HDAC9: variants seen among roughly 807,000 people sequenced by gnomAD.
HDAC9 encodes histone deacetylase 9.
In HDAC9, 41 loss-of-function variants were observed where a neutral mutation model predicts 139.4. The ratio of observed to expected loss-of-function variants is 0.29; its 90% CI spans 0.23 to 0.38. HDAC9 has a LOEUF of 0.38. Ranked by LOEUF, HDAC9 falls within the 10% of genes least tolerant of loss-of-function variation. The pLI is 1.00. For missense variants in HDAC9, 1,147 were observed against 1,297.0 expected (o/e 0.88, Z 1.78); for synonymous variants, 517 against 476.2 (o/e 1.09, Z -1.12).
chr7:18,142,111 G>A (rs1420544540), intron 1 of HDAC9, among the ~76,000 whole-genome samples: 2 of 152,152 alleles, frequency 1.3e-5, no homozygotes, highest in Non-Finnish European at 2.9e-5. Context: ...CACTCTGTGT[G>A]TAGATGAGTT....
chr7:18,911,441 AT>A (rs1208407337), intron 22 of HDAC9, among the ~76,000 whole-genome samples: 1 of 150,966 alleles, frequency 6.6e-6, no homozygotes, highest in East Asian at 1.9e-4. Flanking sequence ...CTAATTGTCA[AT>A]TTTGTTTATC....
intron 5 of HDAC9, 57 bp from the exon 6 acceptor site, chr7:18,593,851 G>A (rs1422134774): frequency 1.3e-6 from 2 of 1,593,970 alleles, no homozygotes; most frequent in Non-Finnish European, 1.7e-6. Context: ...GATTATTGCT[G>A]ACCAATATGC....
chr7:18,235,603 C>G lies in HDAC9; in HGVS notation c.25+73254C>G, dbSNP rs530277903. ...TTTTATAAACTTTTAACCACTTAGG[C>G]TGATTGGAAGTTATTTGCATCATAA... is the stretch of plus-strand genomic sequence containing the variant. On this transcript the variant is annotated intron_variant, in intron 2 of 12. Coordinates refer to the HDAC9 transcript ENST00000417496. Among the ~76,000 whole-genome samples the G allele has an allele frequency of 1.1e-3, 167 of 152,312 alleles. 1 individual carries two copies. Among genetic ancestry groups the G allele is most frequent in the Non-Finnish European group, 8.8e-5 (6 of 68,026 alleles).
At chr7:18,553,553 T>C (rs180979658) in intron 2 of HDAC9, among the ~76,000 whole-genome samples, 1 of 152,340 alleles carries the variant, frequency 6.6e-6, no homozygotes, top group Admixed American at 6.5e-5. Flanking sequence ...GCACTTTTCA[T>C]AACATATTAG....
intron 2 of HDAC9, among the ~76,000 whole-genome samples, chr7:18,226,293 C>G (rs1207751609): frequency 6.6e-6 from 1 of 152,066 alleles, no homozygotes; most frequent in East Asian, 1.9e-4. Context: ...AGAGATGTAC[C>G]CATCCAGTTT....
chr7:18,438,042 A>G (rs972926074), intron 1 of HDAC9, among the ~76,000 whole-genome samples: 2 of 151,032 alleles, frequency 1.3e-5, no homozygotes, highest in African/African-American at 4.8e-5. Flanking sequence ...ACATGTATAT[A>G]CACTTTATAT....
At chr7:18,116,777 T>A (rs1784017722) in intron 1 of HDAC9, among the ~76,000 whole-genome samples, 1 of 152,182 alleles carries the variant, frequency 6.6e-6, no homozygotes, top group African/African-American at 2.4e-5. Context: ...GAGAAAGATC[T>A]GTGACTTCTA....
At position 18,282,242 on chromosome 7, in the gene HDAC9, A is replaced by G. The variant is rs186429800; in HGVS notation, c.25+119893A>G. Among the ~76,000 whole-genome samples the G allele has an allele frequency of 2.7e-3, 413 of 152,354 alleles. 6 individuals are homozygous for G. The highest frequency in any genetic ancestry group is 1.8e-3 in the Non-Finnish European group (125 of 68,032). Reference sequence around the variant, plus strand: ...TGTTAGTCACTGTGCAAGGCCCTATATATAATAAACCTTATTTAATATTCA... The same window carrying G: ...TGTTAGTCACTGTGCAAGGCCCTATGTATAATAAACCTTATTTAATATTCA... On this transcript the variant is annotated intron_variant, in intron 2 of 12. Transcript: ENST00000417496.
At chr7:18,555,767 A>G (rs996859404) in intron 2 of HDAC9, among the ~76,000 whole-genome samples, 4 of 152,086 alleles carry the variant, frequency 2.6e-5, no homozygotes, top group African/African-American at 7.2e-5. Context: ...GGAATCGAAA[A>G]TAATTTAAAT....
At chr7:18,538,565 G>T (rs1811653863) in intron 2 of HDAC9, among the ~76,000 whole-genome samples, 1 of 152,168 alleles carries the variant, frequency 6.6e-6, no homozygotes, top group Non-Finnish European at 1.5e-5. Flanking sequence ...TAATTCCCTT[G>T]TGAAGTCAGG....
At chr7:18,974,010 G>A (rs975218763) in intron 24 of HDAC9, among the ~76,000 whole-genome samples, 3 of 152,176 alleles carry the variant, frequency 2.0e-5, no homozygotes, top group Admixed American at 2.0e-4. Context: ...ATTCAAGAGT[G>A]TGTATTAATT....
At chr7:18,721,434 C>A (rs565675484) in intron 12 of HDAC9, among the ~76,000 whole-genome samples, 20 of 151,618 alleles carry the variant, frequency 1.3e-4, no homozygotes, top group Non-Finnish European at 1.0e-4. Context: ...ACCATATTTG[C>A]GATAGTTTAT....
rs148579987 is a variant in HDAC9, at chr7:18,708,910, C to G, written c.1732-18670C>G. 4.8e-4 allele frequency among the ~76,000 whole-genome samples: 73 copies of G among 151,888 alleles called. 1 individual carries two copies. In the East Asian group the frequency reaches 0.012, roughly 25 times the overall value. On this transcript the variant is annotated intron_variant, in intron 12 of 25. Coordinates refer to ENST00000686413, the MANE Select transcript of HDAC9 (RefSeq NM_178425.4). ...ATCACATTCATTCTTTCTCCTCTCT[C>G]CACACACACCCACACACATGCACAC...
At chr7:18,266,310 G>C (rs1347712181) in intron 2 of HDAC9, among the ~76,000 whole-genome samples, 1 of 152,132 alleles carries the variant, frequency 6.6e-6, no homozygotes, top group East Asian at 1.9e-4. Context: ...ATTACTCTCA[G>C]TTATTTTCCT....
intron 1 of HDAC9, among the ~76,000 whole-genome samples, chr7:18,133,062 G>A (rs1273766071): frequency 1.3e-5 from 2 of 152,076 alleles, no homozygotes; most frequent in East Asian, 1.9e-4. Context: ...GATAGCAGTG[G>A]TCTGTTTGTC....
intron 1 of HDAC9, among the ~76,000 whole-genome samples, chr7:18,145,447 C>CA (rs1169643158): frequency 6.6e-6 from 1 of 152,112 alleles, no homozygotes; most frequent in Non-Finnish European, 1.5e-5. Context: ...ATATGTCAAT[C>CA]ATATTACTAA....
At chr7:18,648,417 T>TGTGTG in intron 10 of HDAC9, 49 bp from the exon 11 acceptor site, 1 of 1,313,760 alleles carries the variant, frequency 7.6e-7, no homozygotes, top group Non-Finnish European at 1.1e-6. Flanking sequence ...TGTATGTGTG[T>TGTGTG]GTGTGTGTGT....
At chr7:18,900,382 A>T (rs571590942) in intron 22 of HDAC9, among the ~76,000 whole-genome samples, 1 of 152,270 alleles carries the variant, frequency 6.6e-6, no homozygotes, top group South Asian at 2.1e-4. Flanking sequence ...TAGCCCACTG[A>T]AGAACAGATG....
intron 2 of HDAC9, among the ~76,000 whole-genome samples, chr7:18,244,278 C>G (rs1794374355): frequency 6.6e-6 from 1 of 152,068 alleles, no homozygotes; most frequent in South Asian, 2.1e-4. Context: ...CAGGGCCAAA[C>G]ACAAAAACAA....
Sources: allele counts gnomAD v4.1 joint callset (sites outside exome capture counted in the v4.1 genomes callset), GRCh38; gene constraint gnomAD v4.1.1; transcripts MANE v1.5; gene names NCBI Gene and HGNC (gene_info 2026-07-23, HGNC 2026-07-21).